PARP6: variants seen among roughly 807,000 people sequenced by gnomAD.
The protein encoded by PARP6 is poly(ADP-ribose) polymerase family member 6.
In PARP6, 27 loss-of-function variants were observed where a neutral mutation model predicts 92.0. The observed-to-expected ratio is 0.29, with a 90% CI of 0.22 to 0.40. The LOEUF (loss-of-function observed/expected upper bound fraction) is 0.40, where lower values mean the gene tolerates loss of function less well. Among genes scored for constraint, PARP6 ranks in the 10% least tolerant of loss-of-function variants. The probability of loss-of-function intolerance (pLI) is 1.00; values close to 1 mark genes in which losing one functional copy is unlikely to be tolerated. For missense variants in PARP6, 501 were observed against 784.5 expected (o/e 0.64, Z 4.32); for synonymous variants, 272 against 281.2 (o/e 0.97, Z 0.33).
chr15:72,247,611 T>C (rs1007521316), intron 20 of PARP6, among the ~76,000 whole-genome samples: 1 of 152,234 alleles, frequency 6.6e-6, no homozygotes, highest in Non-Finnish European at 1.5e-5. Flanking sequence ...TAAAACCATC[T>C]GGGCTTGGTG....
At position 72,242,335 on chromosome 15, in the gene PARP6, G is replaced by A. The variant is rs556534087; in HGVS notation, c.1642-115C>T. The A allele has an allele frequency of 1.1e-4, 87 of 812,130 alleles. 2 individuals carry two copies. In the South Asian group the frequency reaches 1.3e-3, roughly 12 times the overall value. The allele number at this position is 812,130 out of a possible 1,614,324, so 50.3% of individuals were successfully genotyped here. Reference sequence around the variant, plus strand: ...GGATCAGAGATATCCTGGGCTCCCAGCAACACCCCTCGCCGCCCAGAAAAT... The same window carrying A: ...GGATCAGAGATATCCTGGGCTCCCAACAACACCCCTCGCCGCCCAGAAAAT... On this transcript the variant is annotated intron_variant, in intron 21 of 23. Transcript: ENST00000569795. This position sits in a 1 kb window ranked among gnomAD's most constrained non-coding sequence, Gnocchi z 4.3.
Position 72,258,103 on chromosome 15 carries a change from T to C in PARP6, c.840A>G (p.Pro280=). 6.2e-7 allele frequency: 1 copy of C among 1,613,698 alleles called. No individual in the cohort carries two copies. The highest frequency in any genetic ancestry group is 8.5e-7 in the Non-Finnish European group (1 of 1,179,564). ...ACACCACACAGTACTCATTCAATGTTGGAATCCTCTGTTCTGCATACTTCA... is the reference window on the plus strand; with the variant it reads ...ACACCACACAGTACTCATTCAATGTCGGAATCCTCTGTTCTGCATACTTCA... ...QIMKYAEQRI[P]TLNEYCVVCD... is the part of the protein sequence containing the mutation. The change falls in exon 12 of 24, where the codon CCA becomes CCG. Residue 280 remains proline (P), a synonymous_variant. Transcript: ENST00000569795.
At chr15:72,263,984 C>T (rs1332224675) in intron 8 of PARP6, among the ~76,000 whole-genome samples, 2 of 150,286 alleles carry the variant, frequency 1.3e-5, no homozygotes, top group African/African-American at 4.9e-5. Context: ...GATCATGCCA[C>T]TGCACTCCAG....
intron 10 of PARP6, 21 bp downstream of exon 10, chr15:72,260,457 A>G: frequency 1.3e-6 from 2 of 1,597,568 alleles, no homozygotes; most frequent in Non-Finnish European, 1.7e-6. Flanking sequence ...AGCCAAGTCA[A>G]ACCCTCCCCA....
chr15:72,252,223 CAGG>C (rs1193047424), intron 16 of PARP6, among the ~76,000 whole-genome samples: 1 of 152,112 alleles, frequency 6.6e-6, no homozygotes, highest in East Asian at 1.9e-4. Flanking sequence ...AAGGGGATAG[CAGG>C]AGGAGACAGA....
rs1038304910 is a variant in PARP6, at chr15:72,242,541, C to T, written c.1641+79G>A. The T allele has an allele frequency of 1.0e-6, 1 of 970,020 alleles. No homozygotes were observed. The highest frequency in any genetic ancestry group is 1.7e-5 in the Admixed American group (1 of 58,712). 60.1% of individuals were successfully genotyped at this position (970,020 alleles called of 1,614,324 possible). ...AAATCACTCCCCAACCCATTCTCAC[C>T]CCACTGTTTCCCTGTCCAGCTCTGG... On this transcript the variant is annotated intron_variant, in intron 21 of 23. Transcript: ENST00000569795. This position sits in a 1 kb window ranked among gnomAD's most constrained non-coding sequence, Gnocchi z 4.3.
In PARP6 at chr15:72,266,831, G is replaced by C. The variant is rs757072262; in HGVS notation, c.4-9C>G. ...AACTGGCCTTTGATGTCCTAGTGGT[G>C]AGAAATAAGGATATCATGCTTTGTT... On this transcript the variant is annotated splice_polypyrimidine_tract_variant and intron_variant, in intron 3 of 23. Coordinates refer to ENST00000569795, the MANE Select transcript of PARP6 (RefSeq NM_001323532.2). The C allele has an allele frequency of 6.2e-7, 1 of 1,603,506 alleles. No homozygotes were observed. The highest frequency in any genetic ancestry group is 1.1e-5 in the South Asian group (1 of 90,840).
Position 72,260,707 on chromosome 15 carries a change from G to C in PARP6, c.546-19C>G. On this transcript the variant is annotated intron_variant, in intron 9 of 23. Coordinates refer to ENST00000569795, the MANE Select transcript of PARP6 (RefSeq NM_001323532.2). ...GGGAGACCTGCAGAGAGAGAGCAAA[G>C]AGAAGTGATAAAACTGGGGATTTCA... 1 of 1,584,398 alleles carries C rather than the reference G, an allele frequency of 6.3e-7. No homozygotes were observed. The highest frequency in any genetic ancestry group is 8.7e-7 in the Non-Finnish European group (1 of 1,152,898).
chr15:72,253,511 G>C lies in PARP6; in HGVS notation c.1192-7C>G. ...TGATTTCCAAATATGAGCCCTGTAA[G>C]ACAATGGCCATAACGTTATCTCCTT... On this transcript the variant is annotated splice_region_variant and splice_polypyrimidine_tract_variant and intron_variant, in intron 15 of 23. Coordinates refer to ENST00000569795, the MANE Select transcript of PARP6 (RefSeq NM_001323532.2). 2 of 1,612,012 alleles carry C rather than the reference G, an allele frequency of 1.2e-6. No homozygotes were observed. The highest frequency in any genetic ancestry group is 1.7e-6 in the Non-Finnish European group (2 of 1,178,182).
chr15:72,267,455 G>C lies in PARP6; in HGVS notation c.3+20C>G, dbSNP rs762418364. 1.2e-6 allele frequency: 2 copies of C among 1,613,294 alleles called. No homozygotes were observed. Among genetic ancestry groups the C allele is most frequent in the Non-Finnish European group, 1.7e-6 (2 of 1,179,230 alleles). On this transcript the variant is annotated intron_variant, in intron 3 of 23. Transcript: ENST00000569795. ...TACCCTTTGAACAATCAGTTGGAGA[G>C]GTGGGCAGTCAGTTCTCACCATTGG...
chr15:72,244,455 A>G (rs1381396589), intron 20 of PARP6: 3 of 152,156 alleles, frequency 2.0e-5, no homozygotes, highest in South Asian at 4.1e-4. Context: ...CCTAAACAAG[A>G]CTAAACAAAC....
At chr15:72,265,506 C>A in intron 5 of PARP6, 33 bp from the exon 6 acceptor site, 1 of 1,513,824 alleles carries the variant, frequency 6.6e-7, no homozygotes, top group South Asian at 1.1e-5. Flanking sequence ...AGGTGAGACT[C>A]ATTAAGGGAG....
At position 72,249,317 on chromosome 15, in the gene PARP6, T is replaced by G; in HGVS notation, c.1492-3A>C. 6.3e-7 allele frequency: 1 copy of G among 1,578,268 alleles called. No individual in the cohort carries two copies. The highest frequency in any genetic ancestry group is 8.7e-7 in the Non-Finnish European group (1 of 1,151,998). ...TTGCCATAGGCTGCTCCATGCAGCT[T>G]GCAGGGAAACACCAGGATGAGTAAT... On this transcript the variant is annotated splice_polypyrimidine_tract_variant and splice_region_variant and intron_variant, in intron 19 of 23. Transcript: ENST00000569795.
At position 72,266,677 on chromosome 15, in the gene PARP6, T is replaced by C. The variant is rs1318008573; in HGVS notation, c.81+68A>G. On this transcript the variant is annotated intron_variant, in intron 4 of 23. Transcript: ENST00000569795. ...TGTGCTCCAGAACCTCTTTCACTCCTGATGTATCCAAAAAGCAGCACATAT... is the reference window on the plus strand; with the variant it reads ...TGTGCTCCAGAACCTCTTTCACTCCCGATGTATCCAAAAAGCAGCACATAT... 1.7e-5 allele frequency: 19 copies of C among 1,128,874 alleles called. 1 individual carries two copies. Among genetic ancestry groups the C allele is most frequent in the Non-Finnish European group, 2.3e-5 (17 of 737,944 alleles). The allele number at this position is 1,128,874 out of a possible 1,614,324, so 69.9% of individuals were successfully genotyped here.
rs1418367005 is a variant in PARP6, at chr15:72,260,584, A to G, written c.650T>C (p.Met217Thr). The change falls in exon 10 of 24, where the codon ATG becomes ACG. Residue 217 changes from methionine to threonine, a missense_variant. By Grantham distance (81) the Met-to-Thr change is moderately conservative. Transcript: ENST00000569795. Reference sequence around the variant, plus strand: ...AAACACTTCCACTTTGGGGTTCTTCATGGTACAGGAGATGGAACGGTTCAT... The same window carrying G: ...AAACACTTCCACTTTGGGGTTCTTCGTGGTACAGGAGATGGAACGGTTCAT... Reference protein sequence around the residue: ...RLMNRSISCTMKNPKVEVFGY... With the variant: ...RLMNRSISCTTKNPKVEVFGY... The G allele has an allele frequency of 1.2e-6, 2 of 1,614,178 alleles. No homozygotes were observed. Among genetic ancestry groups the G allele is most frequent in the South Asian group, 1.1e-5 (1 of 91,086 alleles).
intron 18 of PARP6, chr15:72,250,552 G>A: frequency 2.7e-6 from 1 of 377,262 alleles, no homozygotes; most frequent in Non-Finnish European, 4.8e-6. Context: ...CATAAATTGT[G>A]GATTTTTCCA....
intron 6 of PARP6, 93 bp downstream of exon 6, chr15:72,265,320 A>C: frequency 8.4e-7 from 1 of 1,184,804 alleles, no homozygotes; most frequent in Non-Finnish European, 1.3e-6. Flanking sequence ...TATGTGCTCC[A>C]AATACAGCAC....
rs187417619 is a variant in PARP6, at chr15:72,254,706, T to C, written c.1126-186A>G. On this transcript the variant is annotated intron_variant, in intron 14 of 23. Transcript: ENST00000569795. ...CTAGTTCTCTTTTACCAGCTGGGAG[T>C]AACAGGGTAAGTTATTTGGCCTCTT... Among the ~76,000 whole-genome samples, 46 of 152,240 alleles carry C rather than the reference T, an allele frequency of 3.0e-4. No individual in the cohort carries two copies. In the East Asian group the frequency reaches 8.3e-3, roughly 27 times the overall value.
intron 14 of PARP6, among the ~76,000 whole-genome samples, chr15:72,255,921 C>T (rs1424877545): frequency 1.6e-4 from 24 of 151,108 alleles, no homozygotes; most frequent in African/African-American, 2.7e-4. Context: ...CTCAGCCTCC[C>T]GAGTAGCTGG....
Sources: allele counts gnomAD v4.1 joint callset (sites outside exome capture counted in the v4.1 genomes callset), GRCh38; gene constraint gnomAD v4.1.1; non-coding constraint Gnocchi (gnomAD v3.1); transcripts MANE v1.5; gene names NCBI Gene and HGNC (gene_info 2026-07-23, HGNC 2026-07-21).